The following ZNF565 variants were observed in gnomAD, a reference collection of about 807,000 sequenced individuals.
ZNF565 encodes zinc finger protein 565.
Under a neutral mutation model 39.4 loss-of-function variants are expected in ZNF565, and 27 were observed. The observed-to-expected ratio is 0.69, with a 90% CI of 0.51 to 0.95. The LOEUF (loss-of-function observed/expected upper bound fraction) is 0.95, where lower values mean the gene tolerates loss of function less well. ZNF565 is among the 40% of genes least tolerant of loss of function. The pLI is 0.00. For synonymous variants in ZNF565, 185 were observed against 216.6 expected, an observed-to-expected ratio of 0.85 and a Z score of 1.28; for missense variants, 524 against 621.1, an observed-to-expected ratio of 0.84 and a Z score of 1.66.
At chr19:36,215,104 C>G (rs1237038176), upstream of ZNF565, 3 of 152,370 alleles carry the variant, frequency 2.0e-5, no homozygotes, top group Non-Finnish European at 1.5e-5. Context: ...TCCTCGCTCT[C>G]CGAGTGCGCA....
chr19:36,242,483 C>T (rs912948154), intron 1 of ZNF565, among the ~76,000 whole-genome samples: 2 of 151,998 alleles, frequency 1.3e-5, no homozygotes, highest in African/African-American at 4.8e-5. Flanking sequence ...AATCCCATCA[C>T]TTTAGAGGGC....
chr19:36,201,636 G>T (rs551247451), intron 2 of ZNF565, among the ~76,000 whole-genome samples: 1 of 151,984 alleles, frequency 6.6e-6, no homozygotes, highest in Non-Finnish European at 1.5e-5. Context: ...TACCATGCCC[G>T]GCTAATTTTT....
chr19:36,196,700 G>A (rs770442340), intron 2 of ZNF565, among the ~76,000 whole-genome samples: 1 of 152,140 alleles, frequency 6.6e-6, no homozygotes, highest in Non-Finnish European at 1.5e-5. Flanking sequence ...CAGGCTGGGC[G>A]TGGTGGCTTA....
At chr19:36,213,551 A>C (rs1050747126) in intron 1 of ZNF565, among the ~76,000 whole-genome samples, 1 of 151,948 alleles carries the variant, frequency 6.6e-6, no homozygotes, top group African/African-American at 2.4e-5. Flanking sequence ...ACGCCCAGCT[A>C]ATTTTTGTAT....
At chr19:36,224,759 CA>C (rs1248163933) in intron 1 of ZNF565, among the ~76,000 whole-genome samples, 1 of 152,200 alleles carries the variant, frequency 6.6e-6, no homozygotes, top group Non-Finnish European at 1.5e-5. Context: ...GGAATAGGGA[CA>C]TTTTTATGAC....
chr19:36,182,618 T>G lies in ZNF565; in HGVS notation c.1348A>C (p.Arg450=), dbSNP rs758673524. The change falls in exon 5 of 5, where the codon AGG becomes CGG. Residue 450 remains arginine, a synonymous_variant. Coordinates refer to ENST00000304116, the MANE Select transcript of ZNF565 (RefSeq NM_152477.5). ...IHTCEKPYEC[R]ECGMAFIRSS... ...CGAATAAAGGCCATTCCACACTCCC[T>G]GCATTCATAGGGTTTCTCACAAGTG... is the stretch of plus-strand genomic sequence containing the variant. 6.2e-7 allele frequency: 1 copy of G among 1,614,172 alleles called. No homozygotes were observed. Among genetic ancestry groups the G allele is most frequent in the Non-Finnish European group, 8.5e-7 (1 of 1,179,998 alleles).
rs575479463 is a variant in ZNF565, at chr19:36,245,598, T to C, written c.-68A>G. 3.6e-4 allele frequency: 252 copies of C among 701,482 alleles called. No individual in the cohort carries two copies. The African/African-American group carries it at 4.0e-3, about 11-fold the overall frequency. 43.5% of individuals were successfully genotyped at this position (701,482 alleles called of 1,614,324 possible). On this transcript the variant is annotated 5_prime_UTR_variant, in exon 1 of 5. Transcript: ENST00000355114. The surrounding 1 kb of genome is among the most constrained non-coding windows in gnomAD (Gnocchi z 4.4). ...CGCGGATCTAGGAGGAGGCTTGAGA[T>C]GCAGCCTCCCAGCTTCGAGGCTACC... is the stretch of plus-strand genomic sequence containing the variant.
intron 1 of ZNF565, chr19:36,213,429 AG>A (rs1280320384): frequency 6.6e-6 from 1 of 152,424 alleles, no homozygotes; most frequent in Non-Finnish European, 1.5e-5. Context: ...CTTGTCCCCC[AG>A]GCTGGAGTGC....
intron 1 of ZNF565, among the ~76,000 whole-genome samples, chr19:36,241,028 T>C (rs1024683162): frequency 4.6e-5 from 7 of 152,238 alleles, no homozygotes; most frequent in Non-Finnish European, 1.0e-4. Flanking sequence ...CTCTCAGTTG[T>C]GGACTTCCCA....
intron 1 of ZNF565, among the ~76,000 whole-genome samples, chr19:36,211,878 G>T (rs1171153754): frequency 6.6e-6 from 1 of 152,214 alleles, no homozygotes; most frequent in South Asian, 2.1e-4. Context: ...TTGACAAATA[G>T]CTGGTAACAA....
intron 4 of ZNF565, among the ~76,000 whole-genome samples, chr19:36,191,892 C>T (rs1346901764): frequency 6.6e-6 from 1 of 152,078 alleles, no homozygotes; most frequent in Non-Finnish European, 1.5e-5. Context: ...AGCACATTTG[C>T]CTAGTGTGAA....
intron 1 of ZNF565, among the ~76,000 whole-genome samples, chr19:36,226,186 C>G (rs1255326340): frequency 6.6e-6 from 1 of 152,182 alleles, no homozygotes; most frequent in Admixed American, 6.6e-5. Flanking sequence ...ACTGCCTAAT[C>G]GATCTCTCTG....
intron 1 of ZNF565, chr19:36,203,261 G>T (rs1371977416): frequency 6.6e-6 from 1 of 151,032 alleles, no homozygotes; most frequent in African/African-American, 2.4e-5. Flanking sequence ...GCTTGAACCC[G>T]GGAGGCAGAG....
intron 1 of ZNF565, among the ~76,000 whole-genome samples, chr19:36,229,804 C>G (rs775440984): frequency 1.3e-5 from 2 of 152,228 alleles, no homozygotes; most frequent in Non-Finnish European, 1.5e-5. Context: ...ACTGCAACCT[C>G]CGCCTCCTGG....
At chr19:36,225,729 A>G (rs889581595) in intron 1 of ZNF565, among the ~76,000 whole-genome samples, 1 of 143,852 alleles carries the variant, frequency 7.0e-6, no homozygotes, top group Non-Finnish European at 1.5e-5. Flanking sequence ...TGAGCCACCA[A>G]GCCCTGCCCC....
At chr19:36,195,590 G>A (rs2145326936) in intron 2 of ZNF565, among the ~76,000 whole-genome samples, 1 of 144,170 alleles carries the variant, frequency 6.9e-6, no homozygotes, top group East Asian at 2.0e-4. Flanking sequence ...TGTTGCCCAG[G>A]CTAGAGTGCA....
chr19:36,245,776 G>A lies in ZNF565; in HGVS notation c.-246C>T. 1.9e-6 allele frequency: 1 copy of A among 512,996 alleles called. No individual in the cohort carries two copies. The highest frequency in any genetic ancestry group is 3.5e-6 in the Non-Finnish European group (1 of 289,026). The allele number at this position is 512,996 out of a possible 1,614,324, so 31.8% of individuals were successfully genotyped here. Reference sequence around the variant, plus strand: ...GGTCCCGGGCTGCTTTTCTTGGAGGGCTCGGTGCCGGAGGCTACTCTTGAG... The same window carrying A: ...GGTCCCGGGCTGCTTTTCTTGGAGGACTCGGTGCCGGAGGCTACTCTTGAG... On this transcript the variant is annotated 5_prime_UTR_variant, in exon 1 of 5. Coordinates refer to the ZNF565 transcript ENST00000355114. The surrounding 1 kb of genome is among the most constrained non-coding windows in gnomAD (Gnocchi z 4.4).
intron 1 of ZNF565, among the ~76,000 whole-genome samples, chr19:36,230,638 A>C (rs1261459425): frequency 6.6e-6 from 1 of 152,204 alleles, no homozygotes; most frequent in Non-Finnish European, 1.5e-5. Flanking sequence ...AGTCAGGAGA[A>C]GCTTGCTGTC....
intron 4 of ZNF565, among the ~76,000 whole-genome samples, chr19:36,186,444 G>T (rs1189920026): frequency 6.6e-6 from 1 of 152,066 alleles, no homozygotes; most frequent in East Asian, 1.9e-4. Context: ...TTGTTTTCTT[G>T]TTCCTGAATC....
Sources: gnomAD v4.1 joint callset for allele counts (sites outside exome capture counted in the v4.1 genomes callset) on GRCh38, gnomAD v4.1.1 for gene constraint, Gnocchi (gnomAD v3.1) non-coding constraint, MANE v1.5 for transcripts, NCBI Gene and HGNC (gene_info 2026-07-23, HGNC 2026-07-21) for gene names.